NELFE: variants seen among roughly 807,000 people sequenced by gnomAD.
The protein encoded by NELFE is negative elongation factor E.
NELFE carries 26 observed loss-of-function variants against 55.5 expected under a neutral mutation model. That is an observed-to-expected ratio of 0.47 (90% CI 0.34 to 0.65). The LOEUF (loss-of-function observed/expected upper bound fraction) is 0.65, where lower values mean the gene tolerates loss of function less well. Ranked by LOEUF, NELFE falls within the 30% of genes least tolerant of loss-of-function variation. The probability of loss-of-function intolerance (pLI) is 0.01; values close to 1 mark genes in which losing one functional copy is unlikely to be tolerated. For missense variants in NELFE, 403 were observed against 506.9 expected (o/e 0.80, Z 1.97); for synonymous variants, 162 against 178.0 (o/e 0.91, Z 0.72).
At chr6:31,952,601 T>C (rs1480592802) in intron 10 of NELFE, among the ~76,000 whole-genome samples, 1 of 152,232 alleles carries the variant, frequency 6.6e-6, no homozygotes, top group Non-Finnish European at 1.5e-5. Flanking sequence ...GACATTTTGA[T>C]GAATGTTTTG....
Position 31,956,847 on chromosome 6 carries a change from A to G in NELFE, c.146-9T>C. The G allele has an allele frequency of 6.2e-7, 1 of 1,612,964 alleles. No homozygotes were observed. Among genetic ancestry groups the G allele is most frequent in the Non-Finnish European group, 8.5e-7 (1 of 1,180,018 alleles). On this transcript the variant is annotated splice_polypyrimidine_tract_variant and intron_variant, in intron 3 of 10. Coordinates refer to ENST00000375429, the MANE Select transcript of NELFE (RefSeq NM_002904.6). Reference sequence around the variant, plus strand: ...AGGCTGCTCTGATAGTGCTGGAGAGACAAGGGGAAGAGGCATTATGTTGGC... The same window carrying G: ...AGGCTGCTCTGATAGTGCTGGAGAGGCAAGGGGAAGAGGCATTATGTTGGC...
At chr6:31,953,620 C>T (rs527310664) in intron 10 of NELFE, 109 bp downstream of exon 10, 16 of 918,470 alleles carry the variant, frequency 1.7e-5, no homozygotes, top group East Asian at 1.4e-4. Flanking sequence ...CCATAGCCTC[C>T]GCACACACTC....
chr6:31,956,054 C>T (rs1178520276), intron 4 of NELFE, among the ~76,000 whole-genome samples: 1 of 152,216 alleles, frequency 6.6e-6, no homozygotes, highest in Non-Finnish European at 1.5e-5. Flanking sequence ...CCTCAGCCTC[C>T]CAAGTAGCTG....
intron 2 of NELFE, 66 bp from the exon 3 acceptor site, chr6:31,957,076 G>T: frequency 7.0e-7 from 1 of 1,421,812 alleles, no homozygotes. Flanking sequence ...CTCTCCTAAG[G>T]CCCCTGGGCA....
Position 31,954,657 on chromosome 6 carries a change from T to C in NELFE, c.640A>G (p.Arg214Gly), listed in dbSNP as rs1771966274. Residue 214 changes from arginine to glycine, a missense_variant, in exon 7 of 11, where the codon AGA becomes GGA. Coordinates refer to ENST00000375429, the MANE Select transcript of NELFE (RefSeq NM_002904.6). This position sits in a 1 kb window ranked among gnomAD's most constrained non-coding sequence, Gnocchi z 5.5. Reference sequence around the variant, plus strand: ...CGATCCCGATCCCTGTCCCGCTCTCTGTCTCTGTCTCGATCCCGGTCTCGA... The same window carrying C: ...CGATCCCGATCCCTGTCCCGCTCTCCGTCTCTGTCTCGATCCCGGTCTCGA... The part of the protein sequence containing the change: ...RDRDRDRDRD[R>G]ERDRDRDRDR... 1 of 1,603,300 alleles carries C rather than the reference T, an allele frequency of 6.2e-7. No individual in the cohort carries two copies. Among genetic ancestry groups the C allele is most frequent in the Non-Finnish European group, 8.5e-7 (1 of 1,174,502 alleles).
At chr6:31,958,696 G>A (rs1242488816) in intron 1 of NELFE, 196 bp downstream of exon 1, 2 of 703,126 alleles carry the variant, frequency 2.8e-6, no homozygotes, top group Non-Finnish European at 5.2e-6. Context: ...GGTTCAAGGA[G>A]GGACAAATAT....
rs1562648661 is a variant in NELFE, at chr6:31,958,921, G to C, written c.-38C>G. The C allele has an allele frequency of 3.4e-6, 2 of 594,442 alleles. No individual in the cohort carries two copies. Among genetic ancestry groups the C allele is most frequent in the East Asian group, 2.8e-5 (1 of 35,488 alleles). The allele number at this position is 594,442 out of a possible 1,614,324, so 36.8% of individuals were successfully genotyped here. A position where few individuals can be genotyped will look rare whatever the true frequency, so the allele number is the denominator to read the frequency against. On this transcript the variant is annotated 5_prime_UTR_variant, in exon 1 of 11. Transcript: ENST00000375429. ...GGGGGCGGCAACCGGGGGCCCCACG[G>C]TCTCCGGCCGCGCCCGCGCTGGCCG...
At chr6:31,958,497 C>G (rs756388237) in intron 1 of NELFE, 43 bp from the exon 2 acceptor site, 2 of 1,545,600 alleles carry the variant, frequency 1.3e-6, no homozygotes, top group Non-Finnish European at 1.8e-6. Flanking sequence ...TCCACTGTTA[C>G]CACCCGGGGT....
chr6:31,958,213 C>T, intron 2 of NELFE, 159 bp downstream of exon 2: 1 of 683,950 alleles, frequency 1.5e-6, no homozygotes, highest in Non-Finnish European at 2.6e-6. Context: ...AGGTCCACAC[C>T]AAGGCTTGGG....
intron 2 of NELFE, among the ~76,000 whole-genome samples, chr6:31,957,902 G>A (rs114969413): frequency 0.023 from 3,477 of 152,252 alleles, 48 homozygotes; most frequent in Non-Finnish European, 0.037. Flanking sequence ...GCACAGTGAA[G>A]AATAAACAGG....
chr6:31,957,205 C>A (rs1422792661), intron 2 of NELFE, 195 bp from the exon 3 acceptor site: 6 of 624,128 alleles, frequency 9.6e-6, no homozygotes, highest in Non-Finnish European at 2.8e-6. Flanking sequence ...CTAACCAAAC[C>A]ACGGAACCCA....
chr6:31,954,281 CCT>C lies in NELFE; in HGVS notation c.887+15_887+16del. 1.2e-6 allele frequency: 2 copies of C among 1,608,772 alleles called. No homozygotes were observed. The highest frequency in any genetic ancestry group is 1.1e-5 in the South Asian group (1 of 90,680). ...ATTCTCCCAGGACTTCTCATCATGC[CCT>C]GTTGTCATCCTTACTTTCTGGGTGG... is the stretch of plus-strand genomic sequence containing the variant. On this transcript the variant is annotated intron_variant, in intron 8 of 10. Transcript: ENST00000375429. The surrounding 1 kb of genome is among the most constrained non-coding windows in gnomAD (Gnocchi z 5.5).
At position 31,953,805 on chromosome 6, in the gene NELFE, T is replaced by C. The variant is rs752735238; in HGVS notation, c.969A>G (p.Val323=). 1.2e-6 allele frequency: 2 copies of C among 1,612,906 alleles called. No homozygotes were observed. Among genetic ancestry groups the C allele is most frequent in the Admixed American group, 1.7e-5 (1 of 59,994 alleles). ...TTCGGGCTATGTTGACTTTGAGCTG[T>C]ACAGACTCCACCTGGGTCCCGTTGA... ...AELNGTQVES[V]QLKVNIARKQ... is the part of the protein sequence containing the mutation. Residue 323 remains valine (V), a synonymous_variant, in exon 10 of 11, where the codon GTA becomes GTG. Coordinates refer to ENST00000375429, the MANE Select transcript of NELFE (RefSeq NM_002904.6).
chr6:31,955,165 C>T, intron 5 of NELFE, 54 bp downstream of exon 5: 7 of 1,611,888 alleles, frequency 4.3e-6, no homozygotes, highest in Non-Finnish European at 5.9e-6. Flanking sequence ...ATATATTTGT[C>T]TCTCATATTC....
chr6:31,952,718 T>C (rs1023194635), intron 10 of NELFE, among the ~76,000 whole-genome samples: 1 of 152,264 alleles, frequency 6.6e-6, no homozygotes, highest in African/African-American at 2.4e-5. Context: ...TCTGTAGCCC[T>C]TTTTTGACAT....
chr6:31,958,686 G>A (rs1049658165), intron 1 of NELFE: 3 of 703,146 alleles, frequency 4.3e-6, no homozygotes, highest in South Asian at 3.0e-5. Flanking sequence ...GGTACCATGT[G>A]GTTCAAGGAG....
rs1053159 is a variant in NELFE at position 31,952,199 on chromosome 6, C to T, written c.*102G>A. On this transcript the variant is annotated 3_prime_UTR_variant, in exon 11 of 11. Transcript: ENST00000375429. ...AAAGGTTTAACCCCAATCCCAAGTG[C>T]TGAAAAACCAGAGGCTGAGGGAGAT... The T allele has an allele frequency of 2.8e-6, 4 of 1,420,780 alleles. No homozygotes were observed. The allele number at this position is 1,420,780 out of a possible 1,614,324, so 88.0% of individuals were successfully genotyped here. A position where few individuals can be genotyped will look rare whatever the true frequency, so the allele number is the denominator to read the frequency against.
chr6:31,953,558 C>T (rs1022680285), intron 10 of NELFE, among the ~76,000 whole-genome samples, 171 bp downstream of exon 10: 2 of 152,222 alleles, frequency 1.3e-5, no homozygotes, highest in African/African-American at 4.8e-5. Flanking sequence ...ATCCTTTTCT[C>T]TCCTTTCTTT....
chr6:31,955,936 ATT>A (rs35917342), intron 4 of NELFE, among the ~76,000 whole-genome samples: 2 of 141,280 alleles, frequency 1.4e-5, no homozygotes. Flanking sequence ...CATTCTGCTA[ATT>A]TTTTTTTTTT....
Sources: gnomAD v4.1 joint callset for allele counts (sites outside exome capture counted in the v4.1 genomes callset) on GRCh38, gnomAD v4.1.1 for gene constraint, Gnocchi (gnomAD v3.1) non-coding constraint, MANE v1.5 for transcripts, NCBI Gene and HGNC (gene_info 2026-07-23, HGNC 2026-07-21) for gene names.